CMC1: variants seen among roughly 807,000 people sequenced by gnomAD.
CMC1 encodes C-X9-C motif containing 1.
Under a neutral mutation model 14.1 loss-of-function variants are expected in CMC1, and 14 were observed. That is an observed-to-expected ratio of 0.99 (90% CI 0.66 to 1.55). CMC1 has a LOEUF of 1.55. CMC1 is among the 40% of genes most tolerant of loss of function. The pLI is 0.00. For synonymous variants in CMC1, 50 were observed against 38.4 expected, an observed-to-expected ratio of 1.30 and a Z score of -1.12; for missense variants, 127 against 123.8, an observed-to-expected ratio of 1.03 and a Z score of -0.12.
At chr3:28,254,419 G>A (rs1278439462) in intron 1 of CMC1, among the ~76,000 whole-genome samples, 24 of 152,058 alleles carry the variant, frequency 1.6e-4, no homozygotes. Flanking sequence ...TGTCATTTCT[G>A]ATTTAATACC....
Position 28,241,783 on chromosome 3 carries a change from G to C in CMC1, c.-11G>C. ...GCCGCCAAGCGGCTACGTTCTTCTC[G>C]GCCCGCCGAGATGGCGCTCGACCCC... On this transcript the variant is annotated 5_prime_UTR_variant, in exon 1 of 4. Coordinates refer to ENST00000466830, the MANE Select transcript of CMC1 (RefSeq NM_182523.2). 2 of 1,240,752 alleles carry C rather than the reference G, an allele frequency of 1.6e-6. No individual in the cohort carries two copies. Among genetic ancestry groups the C allele is most frequent in the Non-Finnish European group, 2.0e-6 (2 of 988,094 alleles). The allele number at this position is 1,240,752 out of a possible 1,614,324, so 76.9% of individuals were successfully genotyped here. A position where few individuals can be genotyped will look rare whatever the true frequency, so the allele number is the denominator to read the frequency against.
Position 28,323,999 on chromosome 3 carries a change from A to C in CMC1, c.*4370A>C. 55 of 1,515,038 alleles carry C rather than the reference A, an allele frequency of 3.6e-5. No homozygotes were observed. Among genetic ancestry groups the C allele is most frequent in the Non-Finnish European group, 4.7e-5 (52 of 1,117,116 alleles). 93.8% of individuals were successfully genotyped at this position (1,515,038 alleles called of 1,614,324 possible). ...ATAATTTCTTGGGAGGACCACTGAA[A>C]GAGATAAGTGTCCTCATGGTGAAAT... is the stretch of plus-strand genomic sequence containing the variant. On this transcript the variant is annotated 3_prime_UTR_variant, in exon 4 of 4. Transcript: ENST00000466830.
chr3:28,324,590 T>C lies in CMC1; in HGVS notation c.*4961T>C, dbSNP rs772272115. 2.6e-5 allele frequency: 18 copies of C among 700,870 alleles called. No homozygotes were observed. The highest frequency in any genetic ancestry group is 3.7e-5 in the Non-Finnish European group (18 of 480,674). The allele number at this position is 700,870 out of a possible 1,614,324, so 43.4% of individuals were successfully genotyped here. ...CAAGTTAGTGTGATCATTGAGGCAC[T>C]GTGACTAGGAGATAAATGACAGATG... On this transcript the variant is annotated 3_prime_UTR_variant, in exon 4 of 4. Transcript: ENST00000466830.
chr3:28,250,202 A>G (rs1250799813), intron 1 of CMC1, among the ~76,000 whole-genome samples: 1 of 152,198 alleles, frequency 6.6e-6, no homozygotes, highest in Non-Finnish European at 1.5e-5. Flanking sequence ...AAGATTGGAT[A>G]TATAGTGTGA....
chr3:28,314,591 T>C (rs1702797781), intron 2 of CMC1, among the ~76,000 whole-genome samples: 1 of 152,190 alleles, frequency 6.6e-6, no homozygotes, highest in Non-Finnish European at 1.5e-5. Context: ...TGAAGGGGAA[T>C]ACTATGTATC....
chr3:28,272,544 C>T lies in CMC1; in HGVS notation c.109+9164C>T, dbSNP rs112496100. On this transcript the variant is annotated intron_variant, in intron 2 of 3. Transcript: ENST00000466830. ...CGTTTATTGATTTGCATGTGTTGAA[C>T]CAGCCTTGCATCGTGGGGATGAAGG... Among the ~76,000 whole-genome samples, 1,225 of 152,248 alleles carry T rather than the reference C, an allele frequency of 8.0e-3. 12 individuals are homozygous for T. The highest frequency in any genetic ancestry group is 0.028 in the African/African-American group (1,171 of 41,546).
intron 3 of CMC1, 99 bp downstream of exon 3, chr3:28,316,522 A>G: frequency 2.0e-6 from 1 of 506,840 alleles, no homozygotes; most frequent in Middle Eastern, 3.2e-4. Flanking sequence ...GTACCTCTCC[A>G]TACCAAATTT....
chr3:28,241,764 A>C lies in CMC1; in HGVS notation c.-30A>C. 1.6e-6 allele frequency: 2 copies of C among 1,241,672 alleles called. No homozygotes were observed. Among genetic ancestry groups the C allele is most frequent in the South Asian group, 8.2e-5 (2 of 24,356 alleles). 76.9% of individuals were successfully genotyped at this position (1,241,672 alleles called of 1,614,324 possible). On this transcript the variant is annotated 5_prime_UTR_variant, in exon 1 of 4. Coordinates refer to ENST00000466830, the MANE Select transcript of CMC1 (RefSeq NM_182523.2). ...CCTTCCTGCGTGCCCCGGAGCCGCC[A>C]AGCGGCTACGTTCTTCTCGGCCCGC...
chr3:28,257,654 G>A (rs1296492674), intron 1 of CMC1, among the ~76,000 whole-genome samples: 1 of 152,114 alleles, frequency 6.6e-6, no homozygotes, highest in East Asian at 1.9e-4. Context: ...GAATGGCTGG[G>A]ACTTTAGGCG....
rs185621482 is a variant in CMC1, at chr3:28,275,530, C to T, written c.109+12150C>T. ...TCTCAGAGGGGCACCGACCTGATGC[C>T]AGTGGGAACGCTTCTGTATAAGGTG... is the stretch of plus-strand genomic sequence containing the variant. On this transcript the variant is annotated intron_variant, in intron 2 of 3. Transcript: ENST00000466830. Among the ~76,000 whole-genome samples, 338 of 151,928 alleles carry T rather than the reference C, an allele frequency of 2.2e-3. 6 individuals carry two copies. The highest frequency in any genetic ancestry group is 2.9e-4 in the Non-Finnish European group (20 of 67,952).
intron 2 of CMC1, among the ~76,000 whole-genome samples, chr3:28,294,990 T>TTAAAACAAAAC (rs397823571): frequency 2.0e-5 from 3 of 151,796 alleles, no homozygotes; most frequent in African/African-American, 7.3e-5. Flanking sequence ...TTATTTTTTT[T>TTAAAACAAAAC]AAAACAAAAC....
At chr3:28,270,398 T>G (rs1276205005) in intron 2 of CMC1, among the ~76,000 whole-genome samples, 3 of 152,178 alleles carry the variant, frequency 2.0e-5, no homozygotes, top group Admixed American at 2.0e-4. Context: ...TGTTTCTGTT[T>G]CTCCACAGCC....
intron 2 of CMC1, among the ~76,000 whole-genome samples, chr3:28,285,264 C>T (rs1701111695): frequency 6.6e-6 from 1 of 152,084 alleles, no homozygotes; most frequent in Admixed American, 6.6e-5. Flanking sequence ...ACCTTCTCTG[C>T]TGGGGAGGAA....
rs1219283568 is a variant in CMC1 at position 28,319,657 on chromosome 3, T to C, written c.*28T>C. On this transcript the variant is annotated 3_prime_UTR_variant, in exon 4 of 4. Transcript: ENST00000466830. ...AGATACTCAAATGACATTCAGGAAC[T>C]CTAATATTCATGGAAGTCATTTTAT... 6.4e-7 allele frequency: 1 copy of C among 1,570,558 alleles called. No homozygotes were observed. The highest frequency in any genetic ancestry group is 1.9e-5 in the Admixed American group (1 of 51,552).
chr3:28,293,837 CT>C (rs888907308), intron 2 of CMC1, among the ~76,000 whole-genome samples: 2 of 152,136 alleles, frequency 1.3e-5, no homozygotes, highest in Non-Finnish European at 2.9e-5. Context: ...CTGCCTCAGC[CT>C]CCCAAAATGT....
At chr3:28,305,376 C>T (rs777553177) in intron 2 of CMC1, among the ~76,000 whole-genome samples, 6 of 152,168 alleles carry the variant, frequency 3.9e-5, no homozygotes, top group African/African-American at 1.2e-4. Context: ...TGAGTAGTGC[C>T]GCAATAAACA....
At chr3:28,270,726 C>A (rs1396269968) in intron 2 of CMC1, among the ~76,000 whole-genome samples, 1 of 151,818 alleles carries the variant, frequency 6.6e-6, no homozygotes, top group African/African-American at 2.4e-5. Flanking sequence ...ATGATAGTTT[C>A]TTTTGCTATG....
intron 2 of CMC1, among the ~76,000 whole-genome samples, chr3:28,294,785 C>T (rs1701656603): frequency 6.6e-6 from 1 of 151,974 alleles, no homozygotes; most frequent in South Asian, 2.1e-4. Flanking sequence ...AAATAGAAGA[C>T]TTAGGTTCTT....
chr3:28,293,748 A>G (rs959531212), intron 2 of CMC1, among the ~76,000 whole-genome samples: 1 of 151,860 alleles, frequency 6.6e-6, no homozygotes, highest in African/African-American at 2.4e-5. Flanking sequence ...TGCCTGGCGA[A>G]TTTTTGTATT....
Sources: gnomAD v4.1 joint callset for allele counts (sites outside exome capture counted in the v4.1 genomes callset) on GRCh38, gnomAD v4.1.1 for gene constraint, MANE v1.5 for transcripts, NCBI Gene and HGNC (gene_info 2026-07-23, HGNC 2026-07-21) for gene names.